The following CENPO variants were observed in gnomAD, a reference collection of about 807,000 sequenced individuals.
The protein encoded by CENPO is centromeric protein O.
A neutral mutation model predicts 36.1 loss-of-function variants in CENPO; 30 were observed. The observed-to-expected ratio is 0.83, with a 90% CI of 0.62 to 1.13. The LOEUF (loss-of-function observed/expected upper bound fraction) is 1.13. CENPO is among the 50% of genes most tolerant of loss of function. CENPO has a pLI of 0.00. For synonymous variants in CENPO, 171 were observed against 142.3 expected (o/e 1.20, Z -1.44); for missense variants, 349 against 357.8 (o/e 0.98, Z 0.20).
chr2:24,798,153 C>G (rs534837497), intron 2 of CENPO, among the ~76,000 whole-genome samples: 2 of 152,114 alleles, frequency 1.3e-5, no homozygotes, highest in African/African-American at 4.8e-5. Flanking sequence ...CTTGCATGGA[C>G]AACTCTTTTA....
intron 3 of CENPO, among the ~76,000 whole-genome samples, chr2:24,807,746 C>G (rs1452917613): frequency 2.0e-5 from 3 of 152,180 alleles, no homozygotes; most frequent in Non-Finnish European, 4.4e-5. Context: ...GTTTTACATT[C>G]CCAGCAATAG....
chr2:24,811,581 C>T (rs2148281622), intron 3 of CENPO, among the ~76,000 whole-genome samples: 1 of 152,198 alleles, frequency 6.6e-6, no homozygotes, highest in Middle Eastern at 3.4e-3. Context: ...CCTGCCTCAG[C>T]CTCCCGAGTA....
At chr2:24,793,640 G>A in intron 1 of CENPO, 139 bp downstream of exon 1, 1 of 1,334,140 alleles carries the variant, frequency 7.5e-7, no homozygotes. Flanking sequence ...GGCCTCGGGA[G>A]CGCGCCGGGG....
intron 3 of CENPO, among the ~76,000 whole-genome samples, chr2:24,812,178 TTGG>T (rs1374028560): frequency 1.3e-5 from 2 of 152,172 alleles, no homozygotes; most frequent in Non-Finnish European, 2.9e-5. Context: ...AAGAGTATAT[TTGG>T]TGAGTATATA....
rs372105544 is a variant in CENPO at position 24,813,045 on chromosome 2, A to C, written c.217-1331A>C. On this transcript the variant is annotated intron_variant, in intron 3 of 7. Transcript: ENST00000380834. ...TGGATCATCTAACGTCAGGAGTTCA[A>C]GACCAGCCTGGCCAACATGGTGAAA... Among the ~76,000 whole-genome samples the C allele has an allele frequency of 2.1e-3, 313 of 152,118 alleles. 9 individuals carry two copies. In the South Asian group the frequency reaches 0.062, roughly 30 times the overall value.
intron 7 of CENPO, 56 bp downstream of exon 7, chr2:24,817,897 T>C (rs960987669): frequency 4.9e-6 from 7 of 1,428,606 alleles, no homozygotes; most frequent in African/African-American, 2.8e-5. Flanking sequence ...TGATGAAGGG[T>C]ACATCACCCT....
At chr2:24,795,953 G>A (rs1665880000) in intron 2 of CENPO, among the ~76,000 whole-genome samples, 1 of 152,180 alleles carries the variant, frequency 6.6e-6, no homozygotes, top group African/African-American at 2.4e-5. Flanking sequence ...TTAGAATTTT[G>A]GTTTCTCACG....
At chr2:24,797,778 A>G (rs751136934) in intron 2 of CENPO, among the ~76,000 whole-genome samples, 3 of 152,230 alleles carry the variant, frequency 2.0e-5, no homozygotes, top group African/African-American at 4.8e-5. Context: ...GTAGGAGCAT[A>G]TAGTGCTGGG....
In CENPO at chr2:24,821,858, AGAG is replaced by A; in HGVS notation, c.*2544_*2546del. On this transcript the variant is annotated 3_prime_UTR_variant, in exon 8 of 8. Coordinates refer to ENST00000380834, the MANE Select transcript of CENPO (RefSeq NM_001322101.2). ...CTAGGCAAAGACTGGGCAATTGAGC[AGAG>A]GAGACGGACCTGTGAGTCTGACCAC... 1 of 582,638 alleles carries A rather than the reference AGAG, an allele frequency of 1.7e-6. No individual in the cohort carries two copies. Among genetic ancestry groups the A allele is most frequent in the South Asian group, 2.3e-5 (1 of 44,126 alleles). The allele number at this position is 582,638 out of a possible 1,614,324, so 36.1% of individuals were successfully genotyped here.
chr2:24,820,332 A>G lies in CENPO; in HGVS notation c.*1014A>G, dbSNP rs2148324140. 4.5e-6 allele frequency: 6 copies of G among 1,332,242 alleles called. No individual in the cohort carries two copies. The highest frequency in any genetic ancestry group is 5.9e-5 in the East Asian group (2 of 33,864). The allele number at this position is 1,332,242 out of a possible 1,614,324, so 82.5% of individuals were successfully genotyped here. A position where few individuals can be genotyped will look rare whatever the true frequency, so the allele number is the denominator to read the frequency against. Reference sequence around the variant, plus strand: ...ACTGGCTGGGGGCCTCCTCTCATCCAGAGACTTCTCTCCTAGGATGGCCAT... The same window carrying G: ...ACTGGCTGGGGGCCTCCTCTCATCCGGAGACTTCTCTCCTAGGATGGCCAT... On this transcript the variant is annotated 3_prime_UTR_variant, in exon 8 of 8. Coordinates refer to ENST00000380834, the MANE Select transcript of CENPO (RefSeq NM_001322101.2).
Position 24,820,349 on chromosome 2 carries a change from G to T in CENPO, c.*1031G>T, listed in dbSNP as rs1272844475. ...TCTCATCCAGAGACTTCTCTCCTAG[G>T]ATGGCCATGGTCACCTGGGTGGCAG... On this transcript the variant is annotated 3_prime_UTR_variant, in exon 8 of 8. Transcript: ENST00000380834. 7.5e-7 allele frequency: 1 copy of T among 1,332,816 alleles called. No individual in the cohort carries two copies. The highest frequency in any genetic ancestry group is 9.6e-7 in the Non-Finnish European group (1 of 1,046,590). The allele number at this position is 1,332,816 out of a possible 1,614,324, so 82.6% of individuals were successfully genotyped here.
intron 6 of CENPO, among the ~76,000 whole-genome samples, chr2:24,817,465 C>CGAAAAAA (rs1558382820): frequency 8.1e-5 from 1 of 12,354 alleles, no homozygotes; most frequent in South Asian, 2.9e-3. Context: ...TTAGTCCAGA[C>CGAAAAAA]CAAAAAAAAA....
At chr2:24,793,620 G>C (rs1665733994) in intron 1 of CENPO, 119 bp downstream of exon 1, 1 of 1,424,838 alleles carries the variant, frequency 7.0e-7, no homozygotes, top group African/African-American at 1.4e-5. Context: ...CGCTGGACCA[G>C]AGTAGCCGTG....
At chr2:24,799,062 T>G (rs992077667) in intron 2 of CENPO, among the ~76,000 whole-genome samples, 2 of 50,156 alleles carry the variant, frequency 4.0e-5, no homozygotes, top group African/African-American at 7.8e-5. Flanking sequence ...TGGAGTGCAG[T>G]GATCTTGGCT....
rs1667638401 is a variant in CENPO at position 24,821,169 on chromosome 2, T to TC, written c.*1852dup. The TC allele has an allele frequency of 2.3e-6, 1 of 435,818 alleles. No individual in the cohort carries two copies. The highest frequency in any genetic ancestry group is 2.0e-5 in the African/African-American group (1 of 49,916). The allele number at this position is 435,818 out of a possible 1,614,324, so 27.0% of individuals were successfully genotyped here. On this transcript the variant is annotated 3_prime_UTR_variant, in exon 8 of 8. Transcript: ENST00000380834. ...CCCCCTCAGTAGAAGCAGCAGGTGA[T>TC]CTTAACTCCTTTCAAAGAGCAGGCC... is the stretch of plus-strand genomic sequence containing the variant.
intron 5 of CENPO, chr2:24,815,972 A>G (rs1237000157): frequency 5.4e-6 from 3 of 560,318 alleles, no homozygotes; most frequent in East Asian, 6.1e-5. Flanking sequence ...TTAAAGGATT[A>G]TGCACCCCTG....
intron 3 of CENPO, among the ~76,000 whole-genome samples, chr2:24,809,677 AGT>A (rs1292930190): frequency 6.6e-6 from 1 of 151,544 alleles, no homozygotes; most frequent in Non-Finnish European, 1.5e-5. Context: ...TTGTTTTATA[AGT>A]GTACCAATTA....
intron 3 of CENPO, among the ~76,000 whole-genome samples, chr2:24,806,418 G>A (rs1480178667): frequency 3.3e-5 from 5 of 152,184 alleles, no homozygotes; most frequent in African/African-American, 9.7e-5. Flanking sequence ...CGTTGCTCAC[G>A]CTGGGAGCTG....
intron 4 of CENPO, 98 bp from the exon 5 acceptor site, chr2:24,815,399 G>A (rs2082881): frequency 0.73 from 635,398 of 869,502 alleles, 236,351 homozygotes; most frequent in Admixed American, 0.82. Flanking sequence ...TGTACAAAGT[G>A]TACATATTCT....
Sources: allele counts gnomAD v4.1 joint callset (sites outside exome capture counted in the v4.1 genomes callset), GRCh38; gene constraint gnomAD v4.1.1; transcripts MANE v1.5; gene names NCBI Gene and HGNC (gene_info 2026-07-23, HGNC 2026-07-21).